The following CSMD1 variants were observed in gnomAD, a reference collection of about 807,000 sequenced individuals.
The protein encoded by CSMD1 is CUB and sushi domain-containing protein 1.
A neutral mutation model predicts 417.5 loss-of-function variants in CSMD1; 213 were observed. The ratio of observed to expected loss-of-function variants is 0.51; its 90% confidence interval spans 0.46 to 0.57. The LOEUF (loss-of-function observed/expected upper bound fraction) is 0.57, where lower values mean the gene tolerates loss of function less well. Ranked by LOEUF, CSMD1 falls within the 20% of genes least tolerant of loss-of-function variation. CSMD1 has a pLI of 0.00. For missense variants in CSMD1, 6,923 were observed against 4,529.7 expected, an observed-to-expected ratio of 1.53 and a Z score of -15.17; for synonymous variants, 2,862 against 1,736.8, an observed-to-expected ratio of 1.65 and a Z score of -16.11.
chr8:4,051,308 C>CAAA (rs5889012), intron 3 of CSMD1, among the ~76,000 whole-genome samples: 27 of 140,542 alleles, frequency 1.9e-4, no homozygotes, highest in Admixed American at 5.7e-4. Context: ...TTTGAAGACT[C>CAAA]AAAAAAAAAA....
chr8:4,833,636 TG>T (rs1311692293), intron 1 of CSMD1, among the ~76,000 whole-genome samples: 2 of 152,218 alleles, frequency 1.3e-5, no homozygotes, highest in African/African-American at 2.4e-5. Flanking sequence ...ACTGTATCTC[TG>T]CAACAGAGTA....
Position 4,055,184 on chromosome 8 carries a change from G to C in CSMD1, c.416-23085C>G, listed in dbSNP as rs574436313. On this transcript the variant is annotated intron_variant, in intron 3 of 69. Transcript: ENST00000635120. ...ATATGAATTTCTCATACGCAGTCAA[G>C]TTAAAACTTCAATTTTCTTATTCAA... Among the ~76,000 whole-genome samples, 5 of 152,264 alleles carry C rather than the reference G, an allele frequency of 3.3e-5. No individual in the cohort carries two copies. In the East Asian group the frequency reaches 7.7e-4, roughly 24 times the overall value.
At chr8:4,063,683 G>C (rs979093946) in intron 3 of CSMD1, among the ~76,000 whole-genome samples, 6 of 152,212 alleles carry the variant, frequency 3.9e-5, no homozygotes, top group Admixed American at 1.3e-4. Flanking sequence ...GGAAGGATAA[G>C]CATGGACCAG....
intron 9 of CSMD1, among the ~76,000 whole-genome samples, chr8:3,581,857 T>A (rs1800396699): frequency 6.6e-6 from 1 of 152,014 alleles, no homozygotes; most frequent in African/African-American, 2.4e-5. Flanking sequence ...CAGGCTGGAG[T>A]ATAGTGGCAC....
intron 5 of CSMD1, among the ~76,000 whole-genome samples, chr8:3,886,291 C>T (rs372801039): frequency 6.6e-6 from 1 of 152,116 alleles, no homozygotes; most frequent in African/African-American, 2.4e-5. Flanking sequence ...TCAAGTAATC[C>T]GACTGCCTCA....
intron 1 of CSMD1, among the ~76,000 whole-genome samples, chr8:4,760,908 G>A (rs745895635): frequency 6.6e-6 from 1 of 152,068 alleles, no homozygotes; most frequent in Non-Finnish European, 1.5e-5. Flanking sequence ...CAGAAGTTAT[G>A]GTAGCATATC....
intron 7 of CSMD1, among the ~76,000 whole-genome samples, chr8:3,637,051 G>A (rs144031374): frequency 6.6e-6 from 1 of 151,982 alleles, no homozygotes; most frequent in Non-Finnish European, 1.5e-5. Flanking sequence ...GAAAACCCTC[G>A]CCAGAATCAG....
chr8:3,163,186 T>C (rs140919066), intron 37 of CSMD1, among the ~76,000 whole-genome samples: 44 of 152,332 alleles, frequency 2.9e-4, no homozygotes, highest in African/African-American at 9.6e-4. Flanking sequence ...TAAGGGCTTG[T>C]TGAATACAAA....
At chr8:3,911,368 A>C (rs556413349) in intron 5 of CSMD1, among the ~76,000 whole-genome samples, 1 of 151,854 alleles carries the variant, frequency 6.6e-6, no homozygotes, top group Non-Finnish European at 1.5e-5. Flanking sequence ...CTCTACTAAA[A>C]ATACAAAAAA....
At chr8:4,780,659 C>A (rs999222894) in intron 1 of CSMD1, among the ~76,000 whole-genome samples, 1 of 152,096 alleles carries the variant, frequency 6.6e-6, no homozygotes, top group Non-Finnish European at 1.5e-5. Context: ...GATCCTGGTG[C>A]ACCCATCACC....
intron 3 of CSMD1, among the ~76,000 whole-genome samples, chr8:4,104,656 G>T (rs888276216): frequency 2.0e-5 from 3 of 152,138 alleles, no homozygotes; most frequent in Non-Finnish European, 2.9e-5. Context: ...GGAAAGAGCT[G>T]TGCCACAGAC....
intron 3 of CSMD1, among the ~76,000 whole-genome samples, chr8:4,124,497 C>G (rs995317904): frequency 1.3e-5 from 2 of 152,196 alleles, no homozygotes; most frequent in African/African-American, 4.8e-5. Context: ...AAATCACCAA[C>G]TGCCCCTTGA....
Position 4,554,262 on chromosome 8 carries a change from G to C in CSMD1, c.302+83080C>G, listed in dbSNP as rs536468996. Among the ~76,000 whole-genome samples the C allele has an allele frequency of 1.9e-3, 291 of 152,092 alleles. 3 individuals carry two copies. Among genetic ancestry groups the C allele is most frequent in the African/African-American group, 6.5e-3 (270 of 41,490 alleles). On this transcript the variant is annotated intron_variant, in intron 2 of 69. Coordinates refer to ENST00000635120, the MANE Select transcript of CSMD1 (RefSeq NM_033225.6). ...AGTGATTCTCCTGACTCAGCCTCCT[G>C]AGTAGCTGAGACTACAGGCATGCGT... is the stretch of plus-strand genomic sequence containing the variant.
intron 3 of CSMD1, among the ~76,000 whole-genome samples, chr8:4,162,099 T>C (rs1797207506): frequency 6.6e-6 from 1 of 152,314 alleles, no homozygotes; most frequent in South Asian, 2.1e-4. Context: ...ATTTAAACAC[T>C]GAAGCAATAT....
intron 3 of CSMD1, among the ~76,000 whole-genome samples, chr8:4,347,163 G>C (rs745528998): frequency 6.6e-6 from 1 of 152,052 alleles, no homozygotes; most frequent in Non-Finnish European, 1.5e-5. Context: ...AACTGGGATC[G>C]GTGTTCAAGT....
At chr8:4,032,372 A>G (rs1324776520) in intron 3 of CSMD1, among the ~76,000 whole-genome samples, 1 of 152,212 alleles carries the variant, frequency 6.6e-6, no homozygotes, top group Non-Finnish European at 1.5e-5. Context: ...AGTGTTCCAG[A>G]TAATGTCTGG....
intron 7 of CSMD1, among the ~76,000 whole-genome samples, chr8:3,664,712 G>A (rs753563932): frequency 3.9e-5 from 6 of 152,160 alleles, no homozygotes; most frequent in Non-Finnish European, 8.8e-5. Flanking sequence ...ATCTTATCGG[G>A]ATGTTGAATA....
At chr8:4,231,309 G>A (rs941126082) in intron 3 of CSMD1, among the ~76,000 whole-genome samples, 3 of 152,186 alleles carry the variant, frequency 2.0e-5, no homozygotes, top group Non-Finnish European at 2.9e-5. Flanking sequence ...GAGGCTCAGA[G>A]TCATGGGTCC....
chr8:3,289,936 C>A (rs1391249585), intron 25 of CSMD1, among the ~76,000 whole-genome samples: 3 of 147,488 alleles, frequency 2.0e-5, no homozygotes, highest in Non-Finnish European at 4.4e-5. Context: ...TTTAGGTTTT[C>A]TTCTAGGGTT....
Sources: allele counts gnomAD v4.1 joint callset (sites outside exome capture counted in the v4.1 genomes callset), GRCh38; gene constraint gnomAD v4.1.1; transcripts MANE v1.5; gene names NCBI Gene and HGNC (gene_info 2026-07-23, HGNC 2026-07-21).